The following COLQ variants were observed in gnomAD, a reference collection of about 807,000 sequenced individuals.
COLQ encodes acetylcholinesterase collagenic tail peptide.
A neutral mutation model predicts 69.0 loss-of-function variants in COLQ; 48 were observed. The ratio of observed to expected loss-of-function variants is 0.70; its 90% CI spans 0.55 to 0.88. The LOEUF (loss-of-function observed/expected upper bound fraction) is 0.88, where lower values mean the gene tolerates loss of function less well. Among genes scored for constraint, COLQ ranks in the 40% least tolerant of loss-of-function variants. The probability of loss-of-function intolerance (pLI) is 0.00; values close to 1 mark genes in which losing one functional copy is unlikely to be tolerated. For missense variants in COLQ, 618 were observed against 594.6 expected (o/e 1.04, Z -0.41); for synonymous variants, 217 against 211.2 (o/e 1.03, Z -0.24).
At chr3:15,463,324 TTTTTTGTTG>T (rs1559514823) in intron 12 of COLQ, among the ~76,000 whole-genome samples, 1 of 151,598 alleles carries the variant, frequency 6.6e-6, no homozygotes, top group Non-Finnish European at 1.5e-5. Context: ...GGTTTTGTTT[TTTTTTGTTG>T]TTTTTGTTGT....
chr3:15,521,447 T>C (rs2063136222), intron 1 of COLQ, 73 bp downstream of exon 1: 4 of 1,591,674 alleles, frequency 2.5e-6, no homozygotes, highest in East Asian at 2.3e-5. Context: ...TCAGGACACA[T>C]TGCAAAACAA....
chr3:15,450,714 G>C lies in COLQ; in HGVS notation c.*930C>G, dbSNP rs1280960895. On this transcript the variant is annotated 3_prime_UTR_variant, in exon 17 of 17. Coordinates refer to ENST00000383788, the MANE Select transcript of COLQ (RefSeq NM_005677.4). ...TGGCCAGGAACGCTCTGCCTAGAGA[G>C]AGCCCTCTGCAGCTGGCCCTAGATC... is the stretch of plus-strand genomic sequence containing the variant. 6.6e-6 allele frequency: 1 copy of C among 152,412 alleles called. No individual in the cohort carries two copies. The highest frequency in any genetic ancestry group is 1.5e-5 in the Non-Finnish European group (1 of 68,152). 9.4% of individuals were successfully genotyped at this position (152,412 alleles called of 1,614,324 possible).
At chr3:15,491,797 T>C (rs1274935115) in intron 1 of COLQ, among the ~76,000 whole-genome samples, 2 of 152,158 alleles carry the variant, frequency 1.3e-5, no homozygotes, top group Non-Finnish European at 2.9e-5. Flanking sequence ...TGGTGGCTCA[T>C]GCCTGTAATC....
chr3:15,464,393 A>T (rs7641193), intron 12 of COLQ, among the ~76,000 whole-genome samples: 2,851 of 152,306 alleles, frequency 0.019, 83 homozygotes, highest in African/African-American at 0.063. Flanking sequence ...TCTATTTCAG[A>T]GGTGAATGGA....
intron 1 of COLQ, chr3:15,506,721 C>A (rs556600854): frequency 7.9e-5 from 12 of 152,304 alleles, no homozygotes; most frequent in African/African-American, 2.9e-4. Context: ...CTAACCTGAG[C>A]GGGTTCACCC....
Position 15,474,188 on chromosome 3 carries a change from C to T in COLQ, c.600+40G>A, listed in dbSNP as rs2305616. On this transcript the variant is annotated intron_variant, in intron 9 of 16. Coordinates refer to ENST00000383788, the MANE Select transcript of COLQ (RefSeq NM_005677.4). ...GGGTGGGTGGGGGCTGCTACTTGCA[C>T]TGACATTTATCATTTCTATGGAAAG... 706,878 of 1,611,564 alleles carry T rather than the reference C, an allele frequency of 0.44. 157,029 individuals carry two copies. The highest frequency in any genetic ancestry group is 0.56 in the African/African-American group (41,784 of 74,884).
intron 3 of COLQ, among the ~76,000 whole-genome samples, chr3:15,484,849 C>G (rs2062549368): frequency 6.6e-6 from 1 of 152,094 alleles, no homozygotes; most frequent in African/African-American, 2.4e-5. Context: ...GCTTCTTTAG[C>G]TCGGAGAAGT....
At chr3:15,490,800 C>G (rs563083843) in intron 1 of COLQ, among the ~76,000 whole-genome samples, 2 of 152,348 alleles carry the variant, frequency 1.3e-5, no homozygotes, top group East Asian at 3.9e-4. Context: ...TTGATCCAAC[C>G]TCTTTGGAAA....
At chr3:15,465,544 G>A (rs1339849210) in intron 12 of COLQ, among the ~76,000 whole-genome samples, 2 of 150,392 alleles carry the variant, frequency 1.3e-5, no homozygotes, top group Non-Finnish European at 3.0e-5. Flanking sequence ...GGGATTACAG[G>A]CGTGACCCAC....
At chr3:15,505,836 C>T (rs181352053) in intron 1 of COLQ, among the ~76,000 whole-genome samples, 207 of 152,328 alleles carry the variant, frequency 1.4e-3, no homozygotes, top group Admixed American at 2.3e-3. Context: ...CCAGCCACTA[C>T]GTTTCCATGC....
At chr3:15,515,488 A>T (rs1424398521) in intron 1 of COLQ, among the ~76,000 whole-genome samples, 1 of 152,172 alleles carries the variant, frequency 6.6e-6, no homozygotes, top group Non-Finnish European at 1.5e-5. Flanking sequence ...GGAGAAATAC[A>T]AGTGGTACTT....
At chr3:15,497,325 T>C (rs755575452) in intron 1 of COLQ, among the ~76,000 whole-genome samples, 1 of 152,212 alleles carries the variant, frequency 6.6e-6, no homozygotes, top group East Asian at 1.9e-4. Context: ...ATTACAGGCA[T>C]GAGCCACTGC....
At chr3:15,495,356 T>A (rs2062732324) in intron 1 of COLQ, among the ~76,000 whole-genome samples, 1 of 152,214 alleles carries the variant, frequency 6.6e-6, no homozygotes, top group African/African-American at 2.4e-5. Context: ...GAAGTCTGGC[T>A]TCACTCTGAA....
intron 12 of COLQ, among the ~76,000 whole-genome samples, chr3:15,463,008 T>C (rs2062143928): frequency 6.6e-6 from 1 of 151,852 alleles, no homozygotes; most frequent in Non-Finnish European, 1.5e-5. Context: ...GAGAGGGAGC[T>C]GGAAGGCCAG....
At position 15,456,475 on chromosome 3, in the gene COLQ, G is replaced by A; in HGVS notation, c.1059C>T (p.Gly353=). ...QRSLYFKDSL[G]WLPIQLTPFY... is the part of the protein sequence containing the mutation. ...CTGGGGGTACCTGGATGGGGAGCCAGCCAAGGCTGTCCTTGAAGTACAGAG... is the reference window on the plus strand; with the variant it reads ...CTGGGGGTACCTGGATGGGGAGCCAACCAAGGCTGTCCTTGAAGTACAGAG... The change falls in exon 14 of 17, where the codon GGC becomes GGT. Residue 353 remains glycine, a synonymous_variant. Transcript: ENST00000383788. 6.2e-7 allele frequency: 1 copy of A among 1,614,152 alleles called. No homozygotes were observed. Among genetic ancestry groups the A allele is most frequent in the Non-Finnish European group, 8.5e-7 (1 of 1,180,024 alleles).
At chr3:15,483,116 T>A (rs958806861) in intron 3 of COLQ, among the ~76,000 whole-genome samples, 1 of 152,180 alleles carries the variant, frequency 6.6e-6, no homozygotes, top group Non-Finnish European at 1.5e-5. Flanking sequence ...TCTTTATTAG[T>A]CTTGCTAGCG....
chr3:15,485,992 G>T (rs1292337883), intron 3 of COLQ, among the ~76,000 whole-genome samples: 12 of 152,118 alleles, frequency 7.9e-5, no homozygotes. Flanking sequence ...ATAATAAATA[G>T]CAATCTCAGG....
intron 16 of COLQ, among the ~76,000 whole-genome samples, chr3:15,453,399 G>T (rs2061977046): frequency 6.6e-6 from 1 of 152,228 alleles, no homozygotes; most frequent in Admixed American, 6.5e-5. Flanking sequence ...GGATGGGCAG[G>T]GTGTTCCAGG....
intron 2 of COLQ, among the ~76,000 whole-genome samples, chr3:15,489,307 C>T (rs1397240767): frequency 6.6e-6 from 1 of 152,150 alleles, no homozygotes; most frequent in Non-Finnish European, 1.5e-5. Context: ...GAAGAATCTC[C>T]CTCCATCATT....
Sources: allele counts gnomAD v4.1 joint callset (sites outside exome capture counted in the v4.1 genomes callset), GRCh38; gene constraint gnomAD v4.1.1; transcripts MANE v1.5; gene names NCBI Gene and HGNC (gene_info 2026-07-23, HGNC 2026-07-21).